The following TGM7 variants were observed in gnomAD, a reference collection of about 807,000 sequenced individuals.
TGM7 encodes the protein protein-glutamine gamma-glutamyltransferase Z.
TGM7 carries 74 observed loss-of-function variants against 79.5 expected under a neutral mutation model. The ratio of observed to expected loss-of-function variants is 0.93; its 90% CI spans 0.77 to 1.13. The LOEUF (loss-of-function observed/expected upper bound fraction) is 1.13, where lower values mean the gene tolerates loss of function less well. Among genes scored for constraint, TGM7 ranks in the 50% most tolerant of loss-of-function variants. The pLI is 0.00. For missense variants in TGM7, 912 were observed against 905.9 expected (o/e 1.01, Z -0.09); for synonymous variants, 354 against 362.5 (o/e 0.98, Z 0.27).
intron 1 of TGM7, among the ~76,000 whole-genome samples, chr15:43,296,130 A>T (rs1267663255): frequency 6.6e-6 from 1 of 152,240 alleles, no homozygotes; most frequent in Non-Finnish European, 1.5e-5. Flanking sequence ...GATCATAGTT[A>T]AAAGTCAGAA....
At chr15:43,285,016 A>C (rs1347026566) in intron 6 of TGM7, 64 bp from the exon 7 acceptor site, 2 of 1,594,702 alleles carry the variant, frequency 1.3e-6, no homozygotes, top group South Asian at 1.1e-5. Flanking sequence ...TTTTCCATGC[A>C]TAATTTGTAA....
At chr15:43,278,996 C>T in intron 11 of TGM7, 121 bp downstream of exon 11, 1 of 1,086,764 alleles carries the variant, frequency 9.2e-7, no homozygotes, top group Non-Finnish European at 1.3e-6. Context: ...CCACACCATA[C>T]TGTGCTGGAG....
intron 1 of TGM7, 127 bp downstream of exon 1, chr15:43,302,114 G>T: frequency 9.1e-7 from 1 of 1,100,734 alleles, no homozygotes; most frequent in Non-Finnish European, 1.4e-6. Context: ...GAGCCGTATT[G>T]CACAATGAAC....
intron 11 of TGM7, 40 bp from the exon 12 acceptor site, chr15:43,277,035 C>G (rs2042881667): frequency 1.2e-6 from 2 of 1,607,494 alleles, no homozygotes; most frequent in African/African-American, 2.7e-5. Context: ...GGCAACTGGC[C>G]TCGCTTCTGC....
At chr15:43,282,464 C>G in intron 8 of TGM7, 53 bp downstream of exon 8, 1 of 1,489,954 alleles carries the variant, frequency 6.7e-7, no homozygotes, top group Non-Finnish European at 9.2e-7. Flanking sequence ...CGGCCAGTCA[C>G]CCTAATCTGC....
chr15:43,283,639 C>T (rs1380720234), intron 7 of TGM7, among the ~76,000 whole-genome samples: 2 of 152,216 alleles, frequency 1.3e-5, no homozygotes, highest in African/African-American at 4.8e-5. Context: ...GATGTTTCCT[C>T]ATGATTAGAC....
At chr15:43,290,919 C>G (rs989334288) in intron 4 of TGM7, among the ~76,000 whole-genome samples, 60 of 152,070 alleles carry the variant, frequency 3.9e-4, no homozygotes, top group African/African-American at 1.4e-3. Context: ...ATTTTGTATC[C>G]TGAGATATTG....
At chr15:43,291,185 A>G (rs1421749844) in intron 4 of TGM7, among the ~76,000 whole-genome samples, 1 of 152,212 alleles carries the variant, frequency 6.6e-6, no homozygotes, top group African/African-American at 2.4e-5. Flanking sequence ...ATTCAGTATG[A>G]TATTGGCTGT....
intron 4 of TGM7, among the ~76,000 whole-genome samples, chr15:43,288,569 A>G (rs764321938): frequency 6.4e-4 from 97 of 152,214 alleles, no homozygotes; most frequent in Non-Finnish European, 1.2e-3. Flanking sequence ...TTACATGACT[A>G]TATTCTGAAG....
At position 43,279,808 on chromosome 15, in the gene TGM7, T is replaced by G. The variant is rs559039870; in HGVS notation, c.1495A>C (p.Ile499Leu). 1 of 1,614,174 alleles carries G rather than the reference T, an allele frequency of 6.2e-7. No homozygotes were observed. Among genetic ancestry groups the G allele is most frequent in the South Asian group, 1.1e-5 (1 of 91,092 alleles). The change falls in exon 10 of 13, where the codon ATA becomes CTA. Residue 499 changes from isoleucine (I) to leucine (L), a missense_variant. Physicochemically the swap from Ile to Leu is conservative, Grantham distance 5. Coordinates refer to ENST00000452443, the MANE Select transcript of TGM7 (RefSeq NM_052955.3). ...PAQLQLHLAR[I>L]PEWGQDLQLL... ...TGCAGGTCCTGGCCCCACTCGGGTA[T>G]CCTGGCCAGGTGAAGCTGCAGCTGC...
In TGM7 at chr15:43,287,416, C is replaced by A; in HGVS notation, c.729G>T (p.Trp243Cys). 1 of 1,614,190 alleles carries A rather than the reference C, an allele frequency of 6.2e-7. No homozygotes were observed. The highest frequency in any genetic ancestry group is 8.5e-7 in the Non-Finnish European group (1 of 1,180,046). ...NDDNGVLQGN[W>C]GEDYSKGVSP... ...TGACCCCTTTGGAGTAGTCCTCGCC[C>A]CAGTTCCCCTGCAGCACGCCATTGT... Residue 243 changes from tryptophan (W) to cysteine (C), a missense_variant, in exon 6 of 13, where the codon TGG becomes TGT. Physicochemically the swap from Trp to Cys is radical, Grantham distance 215. Transcript: ENST00000452443.
At chr15:43,291,232 T>C (rs969881656) in intron 4 of TGM7, among the ~76,000 whole-genome samples, 3 of 152,344 alleles carry the variant, frequency 2.0e-5, no homozygotes, top group Admixed American at 2.0e-4. Context: ...TTTTGAGATA[T>C]GTCCCATCAA....
chr15:43,301,931 A>G (rs1207564014), intron 1 of TGM7, among the ~76,000 whole-genome samples: 1 of 152,144 alleles, frequency 6.6e-6, no homozygotes, highest in Non-Finnish European at 1.5e-5. Context: ...CCAAGCACCC[A>G]AGGACACCTG....
intron 3 of TGM7, 40 bp downstream of exon 3, chr15:43,292,669 A>G (rs753667795): frequency 6.2e-7 from 1 of 1,605,766 alleles, no homozygotes; most frequent in South Asian, 1.1e-5. Flanking sequence ...GGCCTTCCCA[A>G]TGGATCAGGT....
intron 9 of TGM7, among the ~76,000 whole-genome samples, chr15:43,281,083 C>A (rs1039741797): frequency 2.6e-5 from 4 of 152,230 alleles, no homozygotes; most frequent in African/African-American, 9.6e-5. Context: ...AACTTACCCC[C>A]ACCTGTGGAC....
intron 7 of TGM7, 80 bp downstream of exon 7, chr15:43,284,734 C>T (rs760306177): frequency 9.1e-6 from 14 of 1,535,518 alleles, no homozygotes; most frequent in Non-Finnish European, 1.3e-5. Context: ...AATATTTCCT[C>T]AAGAGCCAGA....
chr15:43,287,095 T>C (rs2142409977), intron 6 of TGM7, among the ~76,000 whole-genome samples, 185 bp downstream of exon 6: 2 of 152,256 alleles, frequency 1.3e-5, no homozygotes, highest in East Asian at 1.9e-4. Flanking sequence ...TTGCCACAGG[T>C]CAATCCCCCT....
intron 1 of TGM7, among the ~76,000 whole-genome samples, chr15:43,295,677 A>G (rs1056528848): frequency 3.9e-5 from 6 of 152,242 alleles, no homozygotes; most frequent in African/African-American, 1.4e-4. Context: ...GCTGAAGTCA[A>G]TGTTAATTTC....
chr15:43,279,716 C>G lies in TGM7; in HGVS notation c.1587G>C (p.Val529=). ...THPRGPIGLV[V]RFCAQALLHG... ...GCAGCAGGGCCTGTGCACAGAAGCG[C>G]ACCACCAGTCCGATGGGCCCCCGAG... is the stretch of plus-strand genomic sequence containing the variant. The change falls in exon 10 of 13, where the codon GTG becomes GTC. Residue 529 remains valine (V), a synonymous_variant. Transcript: ENST00000452443. 6.2e-7 allele frequency: 1 copy of G among 1,614,060 alleles called. No homozygotes were observed. The highest frequency in any genetic ancestry group is 8.5e-7 in the Non-Finnish European group (1 of 1,180,034).
Sources: allele counts gnomAD v4.1 joint callset (sites outside exome capture counted in the v4.1 genomes callset), GRCh38; gene constraint gnomAD v4.1.1; transcripts MANE v1.5; gene names NCBI Gene and HGNC (gene_info 2026-07-23, HGNC 2026-07-21).